Variants in PTPRD observed in about 807,000 individuals in gnomAD.
PTPRD encodes protein tyrosine phosphatase receptor type D.
Under a neutral mutation model 214.5 loss-of-function variants are expected in PTPRD, and 34 were observed. The observed-to-expected ratio is 0.16, with a 90% CI of 0.12 to 0.21. The LOEUF (loss-of-function observed/expected upper bound fraction) is 0.21. Among genes scored for constraint, PTPRD ranks in the 10% least tolerant of loss-of-function variants. The probability of loss-of-function intolerance (pLI) is 1.00; values close to 1 mark genes in which losing one functional copy is unlikely to be tolerated. For missense variants in PTPRD, 2,545 were observed against 2,398.7 expected (o/e 1.06, Z -1.27); for synonymous variants, 1,128 against 845.7 (o/e 1.33, Z -5.79).
At chr9:9,668,954 T>C (rs2096774856) in intron 7 of PTPRD, among the ~76,000 whole-genome samples, 1 of 152,168 alleles carries the variant, frequency 6.6e-6, no homozygotes, top group East Asian at 1.9e-4. Context: ...AACTCAGCTC[T>C]TGATTAGCTA....
intron 9 of PTPRD, among the ~76,000 whole-genome samples, chr9:9,333,526 A>ATATATATATAT (rs1569567452): frequency 3.5e-5 from 5 of 142,672 alleles, no homozygotes; most frequent in African/African-American, 1.4e-4. Context: ...ATATATATAT[A>ATATATATATAT]AAGTCTGCAA....
At chr9:8,454,856 C>T (rs957917896) in intron 33 of PTPRD, among the ~76,000 whole-genome samples, 4 of 151,480 alleles carry the variant, frequency 2.6e-5, no homozygotes, top group East Asian at 1.9e-4. Flanking sequence ...GTGAATGCCA[C>T]GTGCACTTTT....
chr9:10,035,276 T>C (rs1209070078), intron 3 of PTPRD, among the ~76,000 whole-genome samples: 1 of 151,960 alleles, frequency 6.6e-6, no homozygotes, highest in Non-Finnish European at 1.5e-5. Context: ...TGCCCACTTT[T>C]TAATGGGGTA....
intron 3 of PTPRD, among the ~76,000 whole-genome samples, chr9:10,119,662 G>T (rs537185376): frequency 6.6e-6 from 1 of 151,796 alleles, no homozygotes; most frequent in Non-Finnish European, 1.5e-5. Context: ...AAGACCCCCC[G>T]CATGGAAATA....
intron 3 of PTPRD, among the ~76,000 whole-genome samples, chr9:10,237,624 T>C (rs1249254547): frequency 6.6e-6 from 1 of 151,960 alleles, no homozygotes; most frequent in African/African-American, 2.4e-5. Flanking sequence ...AGTACTATAG[T>C]GCCTAAGGCC....
chr9:9,399,732 C>T (rs370478574), intron 8 of PTPRD, among the ~76,000 whole-genome samples: 14 of 152,106 alleles, frequency 9.2e-5, no homozygotes, highest in Middle Eastern at 3.4e-3. Flanking sequence ...CCCCTGCACA[C>T]GCTCCTTTGC....
chr9:8,746,772 T>A (rs570553957), intron 11 of PTPRD, among the ~76,000 whole-genome samples: 1 of 152,152 alleles, frequency 6.6e-6, no homozygotes, highest in African/African-American at 2.4e-5. Context: ...GGCAGGAGGA[T>A]CACTTGAGGT....
rs113572616 is a variant in PTPRD at position 8,707,121 on chromosome 9, A to G, written c.64+26659T>C. On this transcript the variant is annotated intron_variant, in intron 12 of 45. Transcript: ENST00000381196. ...TCAATTAGCTTTATCCAAACTTTCT[A>G]TTTTGAGTATAGGACCTTAAGGACT... Among the ~76,000 whole-genome samples the G allele has an allele frequency of 5.3e-3, 814 of 152,318 alleles. 11 individuals are homozygous for G. Among genetic ancestry groups the G allele is most frequent in the African/African-American group, 0.019 (772 of 41,572 alleles).
intron 12 of PTPRD, among the ~76,000 whole-genome samples, chr9:8,659,027 G>A (rs1470004059): frequency 6.6e-6 from 1 of 151,914 alleles, no homozygotes; most frequent in Non-Finnish European, 1.5e-5. Flanking sequence ...TCCTTAGGAA[G>A]CCTTGAACTT....
intron 10 of PTPRD, among the ~76,000 whole-genome samples, chr9:9,068,823 G>A (rs1180112651): frequency 6.6e-6 from 1 of 152,070 alleles, no homozygotes; most frequent in Non-Finnish European, 1.5e-5. Context: ...TGTTGGCCAG[G>A]ATGGTCTCGA....
chr9:8,860,874 C>G (rs920536807), intron 11 of PTPRD: 1 of 152,196 alleles, frequency 6.6e-6, no homozygotes, highest in African/African-American at 2.4e-5. Flanking sequence ...CCAGTGCCCT[C>G]CATCCCACCA....
At chr9:9,946,395 C>T (rs2092559090) in intron 4 of PTPRD, among the ~76,000 whole-genome samples, 1 of 152,052 alleles carries the variant, frequency 6.6e-6, no homozygotes, top group African/African-American at 2.4e-5. Flanking sequence ...TAGTGAGTGG[C>T]ATGTAAGAGG....
chr9:9,794,650 T>C (rs1438369913), intron 5 of PTPRD, among the ~76,000 whole-genome samples: 1 of 152,196 alleles, frequency 6.6e-6, no homozygotes, highest in African/African-American at 2.4e-5. Context: ...TGAGATTTAA[T>C]CTGATCTTCA....
chr9:9,380,037 G>A (rs541017107), intron 9 of PTPRD, among the ~76,000 whole-genome samples: 2 of 151,804 alleles, frequency 1.3e-5, no homozygotes, highest in Non-Finnish European at 2.9e-5. Context: ...CATTAACTAG[G>A]ACTTCAAATG....
intron 7 of PTPRD, among the ~76,000 whole-genome samples, chr9:9,710,980 G>T (rs910690503): frequency 6.6e-6 from 1 of 150,456 alleles, no homozygotes; most frequent in Admixed American, 6.8e-5. Flanking sequence ...GAGAGCGTGT[G>T]TGTGTGTGTG....
chr9:9,228,258 T>C (rs1468206250), intron 9 of PTPRD, among the ~76,000 whole-genome samples: 1 of 152,114 alleles, frequency 6.6e-6, no homozygotes, highest in Non-Finnish European at 1.5e-5. Flanking sequence ...TTCAATTAAA[T>C]AGGATGTGGT....
At chr9:8,915,621 G>A (rs182345163) in intron 11 of PTPRD, among the ~76,000 whole-genome samples, 20 of 152,250 alleles carry the variant, frequency 1.3e-4, no homozygotes, top group Admixed American at 3.3e-4. Flanking sequence ...GAGCTGATGC[G>A]GCAGCTGTAG....
At chr9:9,660,095 A>G (rs1006760196) in intron 7 of PTPRD, among the ~76,000 whole-genome samples, 5 of 151,976 alleles carry the variant, frequency 3.3e-5, no homozygotes, top group African/African-American at 1.2e-4. Flanking sequence ...TTGTTTGTAA[A>G]GCTATTGGCC....
intron 8 of PTPRD, among the ~76,000 whole-genome samples, chr9:9,447,809 G>A (rs184633669): frequency 6.6e-6 from 1 of 152,230 alleles, no homozygotes; most frequent in African/African-American, 2.4e-5. Flanking sequence ...TTCTAGGGAA[G>A]GGAAAGATGA....
Sources: gnomAD v4.1 joint callset for allele counts (sites outside exome capture counted in the v4.1 genomes callset) on GRCh38, gnomAD v4.1.1 for gene constraint, MANE v1.5 for transcripts, NCBI Gene and HGNC (gene_info 2026-07-23, HGNC 2026-07-21) for gene names.